HMCN1: variants seen among roughly 807,000 people sequenced by gnomAD.
HMCN1 encodes hemicentin 1.
A neutral mutation model predicts 625.9 loss-of-function variants in HMCN1; 321 were observed. The observed-to-expected ratio is 0.51, with a 90% confidence interval of 0.47 to 0.56. HMCN1 has a LOEUF of 0.56. HMCN1 is among the 20% of genes least tolerant of loss of function. The pLI is 0.00. For synonymous variants in HMCN1, 2,425 were observed against 2,417.6 expected (o/e 1.00, Z -0.09); for missense variants, 6,588 against 6,887.3 (o/e 0.96, Z 1.54).
chr1:185,826,134 A>T (rs1660496809), intron 1 of HMCN1, among the ~76,000 whole-genome samples: 1 of 152,172 alleles, frequency 6.6e-6, no homozygotes. Context: ...ACAGTGCCAG[A>T]CACAAAGTAG....
intron 11 of HMCN1, among the ~76,000 whole-genome samples, chr1:185,938,949 T>G (rs1405986016): frequency 6.6e-6 from 1 of 152,184 alleles, no homozygotes; most frequent in Non-Finnish European, 1.5e-5. Context: ...TTTAATCTAG[T>G]TAAGTTGTCT....
intron 93 of HMCN1, among the ~76,000 whole-genome samples, chr1:186,147,120 C>G (rs1032949785): frequency 6.6e-6 from 1 of 152,204 alleles, no homozygotes; most frequent in African/African-American, 2.4e-5. Flanking sequence ...CCATTACTCT[C>G]TACGCTTTCT....
chr1:186,086,573 G>A (rs1571330455), intron 58 of HMCN1, among the ~76,000 whole-genome samples, 166 bp downstream of exon 58: 1 of 152,010 alleles, frequency 6.6e-6, no homozygotes, highest in East Asian at 1.9e-4. Flanking sequence ...AGATTTTGTA[G>A]ACTTCTCTGA....
chr1:186,174,494 C>T lies in HMCN1; in HGVS notation c.15815-20C>T, dbSNP rs200148073. The T allele has an allele frequency of 3.8e-5, 62 of 1,613,258 alleles. No individual in the cohort carries two copies. In the Middle Eastern group the frequency reaches 6.8e-4, roughly 18 times the overall value. ...GTTTGAAAGAGGAAATGTTACTTCT[C>T]ATTGCCTCCATGTCTGTAGATATTG... On this transcript the variant is annotated intron_variant, in intron 102 of 106. Coordinates refer to ENST00000271588, the MANE Select transcript of HMCN1 (RefSeq NM_031935.3).
chr1:185,957,482 G>A (rs2102547351), intron 11 of HMCN1, among the ~76,000 whole-genome samples: 1 of 152,206 alleles, frequency 6.6e-6, no homozygotes. Flanking sequence ...GTTTAAGATT[G>A]TTTTCCTGTT....
chr1:186,147,135 C>A (rs1650363084), intron 93 of HMCN1, among the ~76,000 whole-genome samples: 1 of 152,174 alleles, frequency 6.6e-6, no homozygotes, highest in Non-Finnish European at 1.5e-5. Context: ...CTTTCTACTG[C>A]TTTTGCCCTC....
Position 185,978,140 on chromosome 1 carries a change from C to T in HMCN1, c.2566+159C>T, listed in dbSNP as rs559394716. The T allele has an allele frequency of 4.3e-4, 256 of 590,938 alleles. 1 individual carries two copies. Among genetic ancestry groups the T allele is most frequent in the Non-Finnish European group, 6.2e-4 (210 of 339,470 alleles). 36.6% of individuals were successfully genotyped at this position (590,938 alleles called of 1,614,324 possible). ...TGAAATAGTACTGGCATTTTATATT[C>T]GGGAATTGTCATAAATGAGTTATAT... On this transcript the variant is annotated intron_variant, in intron 16 of 106. Transcript: ENST00000271588.
chr1:186,157,559 A>G (rs904603093), intron 97 of HMCN1, among the ~76,000 whole-genome samples: 1 of 152,190 alleles, frequency 6.6e-6, no homozygotes, highest in Non-Finnish European at 1.5e-5. Flanking sequence ...ATATGTATAC[A>G]TGTGACATGC....
chr1:186,175,209 C>T (rs11584685), intron 103 of HMCN1, among the ~76,000 whole-genome samples: 9,478 of 152,222 alleles, frequency 0.062, 737 homozygotes, highest in African/African-American at 0.19. Context: ...TAGAAAATAT[C>T]TGTAAGATAA....
At chr1:185,870,315 G>A (rs1419057467) in intron 4 of HMCN1, among the ~76,000 whole-genome samples, 1 of 152,134 alleles carries the variant, frequency 6.6e-6, no homozygotes, top group African/African-American at 2.4e-5. Context: ...TTTGGTGTAA[G>A]AAAAAGTCCA....
At chr1:186,145,946 G>T (rs1490580536) in intron 93 of HMCN1, 23 bp downstream of exon 93, 1 of 1,611,974 alleles carries the variant, frequency 6.2e-7, no homozygotes. Flanking sequence ...ATTGGACTTT[G>T]GTAGCACATT....
In HMCN1 at chr1:186,069,698, G is replaced by A. The variant is rs1255167521; in HGVS notation, c.7915G>A (p.Asp2639Asn). 6.2e-7 allele frequency: 1 copy of A among 1,613,288 alleles called. No homozygotes were observed. The highest frequency in any genetic ancestry group is 2.2e-5 in the East Asian group (1 of 44,800). Residue 2639 changes from aspartate (D) to asparagine (N), a missense_variant, in exon 51 of 107, where the codon GAC (aspartate) becomes AAC (asparagine). Physicochemically the swap from Asp to Asn is conservative, Grantham distance 23. This residue lies in a region of HMCN1 where 4,628 missense variants were observed against 4,853.1 expected (regional missense o/e 0.95). Transcript: ENST00000271588. ...TCTGCAGATCCTCAATGCACAGGAGGACAATGCTGGAAGATACTCTTGTGT... is the reference window on the plus strand; with the variant it reads ...TCTGCAGATCCTCAATGCACAGGAGAACAATGCTGGAAGATACTCTTGTGT... ...RTLQILNAQEDNAGRYSCVAT... is the reference protein window; with the variant it reads ...RTLQILNAQENNAGRYSCVAT...
chr1:185,739,316 G>C (rs1282717126), intron 1 of HMCN1, among the ~76,000 whole-genome samples: 1 of 152,100 alleles, frequency 6.6e-6, no homozygotes, highest in Non-Finnish European at 1.5e-5. Context: ...GCAACATGCT[G>C]TTATTGAAAT....
chr1:186,039,465 G>A (rs1051380331), intron 38 of HMCN1, among the ~76,000 whole-genome samples: 12 of 151,686 alleles, frequency 7.9e-5, no homozygotes, highest in African/African-American at 1.5e-4. Flanking sequence ...ATTCCACTCC[G>A]GCATAAAAAA....
chr1:185,987,871 A>AG (rs1652111406), intron 20 of HMCN1, among the ~76,000 whole-genome samples: 1 of 151,942 alleles, frequency 6.6e-6, no homozygotes, highest in Non-Finnish European at 1.5e-5. Context: ...AAAAAAAAAA[A>AG]CAAAAAACTT....
At chr1:186,116,912 A>G in intron 75 of HMCN1, 82 bp from the exon 76 acceptor site, 1 of 1,494,942 alleles carries the variant, frequency 6.7e-7, no homozygotes, top group Non-Finnish European at 9.3e-7. Flanking sequence ...ATCAATTTAC[A>G]ACATGGTACC....
At chr1:186,085,214 G>A (rs1463175046) in intron 57 of HMCN1, among the ~76,000 whole-genome samples, 2 of 152,098 alleles carry the variant, frequency 1.3e-5, no homozygotes, top group African/African-American at 4.8e-5. Context: ...AATATCAAGT[G>A]GCCACTGTCT....
chr1:185,740,606 G>A (rs1653919255), intron 1 of HMCN1, among the ~76,000 whole-genome samples: 1 of 145,814 alleles, frequency 6.9e-6, no homozygotes, highest in African/African-American at 2.5e-5. Context: ...TCATGGACAG[G>A]TTAATGTCTT....
At chr1:186,066,385 G>A (rs1003156146) in intron 49 of HMCN1, among the ~76,000 whole-genome samples, 1 of 152,074 alleles carries the variant, frequency 6.6e-6, no homozygotes, top group African/African-American at 2.4e-5. Flanking sequence ...CTATTTAAGT[G>A]CATGTGTTTG....
Sources: gnomAD v4.1 joint callset for allele counts (sites outside exome capture counted in the v4.1 genomes callset) on GRCh38, gnomAD v4.1.1 for gene constraint, gnomAD v4.1.1 regional missense constraint, MANE v1.5 for transcripts, NCBI Gene and HGNC (gene_info 2026-07-23, HGNC 2026-07-21) for gene names.